The following AKAP6 variants were observed in gnomAD, a reference collection of about 807,000 sequenced individuals.
AKAP6 encodes A-kinase anchoring protein 6, also known as A-kinase anchor protein 6.
A neutral mutation model predicts 188.5 loss-of-function variants in AKAP6; 58 were observed. The ratio of observed to expected loss-of-function variants is 0.31; its 90% CI spans 0.25 to 0.38. AKAP6 has a LOEUF of 0.38. AKAP6 is among the 10% of genes least tolerant of loss of function. The pLI, the probability that AKAP6 is intolerant of heterozygous loss-of-function variation, is 1.00. For synonymous variants in AKAP6, 989 were observed against 998.6 expected (o/e 0.99, Z 0.18); for missense variants, 2,710 against 2,740.0 (o/e 0.99, Z 0.24).
Position 32,791,804 on chromosome 14 carries a change from G to A in AKAP6, c.3588+17911G>A, listed in dbSNP as rs138460949. Among the ~76,000 whole-genome samples, 650 of 152,266 alleles carry A rather than the reference G, an allele frequency of 4.3e-3. 20 individuals carry two copies. The highest frequency in any genetic ancestry group is 0.038 in the Admixed American group (588 of 15,292). On this transcript the variant is annotated intron_variant, in intron 12 of 13. Coordinates refer to ENST00000280979, the MANE Select transcript of AKAP6 (RefSeq NM_004274.5). ...TCTTGAGTTAATTTTTGTGTAAAAT[G>A]TAAGGAAGGGGTCCAGTTTCAGTTT... is the stretch of plus-strand genomic sequence containing the variant.
intron 11 of AKAP6, among the ~76,000 whole-genome samples, chr14:32,756,870 C>G (rs910749991): frequency 1.3e-4 from 20 of 152,040 alleles, no homozygotes; most frequent in Admixed American, 1.0e-3. Flanking sequence ...CGGGTGCCAT[C>G]CTGGTGTCTG....
rs1342799898 is a variant in AKAP6 at position 32,671,098 on chromosome 14, A to G, written c.2731-7213A>G. Among the ~76,000 whole-genome samples, 4 of 152,210 alleles carry G rather than the reference A, an allele frequency of 2.6e-5. No homozygotes were observed. In the East Asian group the frequency reaches 7.7e-4, roughly 29 times the overall value. On this transcript the variant is annotated intron_variant, in intron 7 of 13. Transcript: ENST00000280979. ...GTTCAGCTACATGTGATAAGTATGT[A>G]GGAAAGAGGATAGGGATTTCTAGGG...
intron 2 of AKAP6, among the ~76,000 whole-genome samples, chr14:32,476,011 G>T (rs1035999862): frequency 5.3e-5 from 8 of 151,952 alleles, no homozygotes; most frequent in Admixed American, 2.0e-4. Context: ...TCATAAAAAT[G>T]TTTTAAGTAC....
In AKAP6 at chr14:32,454,618, ACCTT is replaced by A. The variant is rs145451266; in HGVS notation, c.324+20816_324+20819del. Among the ~76,000 whole-genome samples the A allele has an allele frequency of 4.7e-3, 378 of 81,014 alleles. 2 individuals carry two copies. Among genetic ancestry groups the A allele is most frequent in the Non-Finnish European group, 6.2e-3 (300 of 48,298 alleles). The allele number at this position is 81,014 out of a possible 152,430, so 53.1% of individuals were successfully genotyped here. The stretch of plus-strand genomic sequence containing the variant: ...GAAGATAAATTACAGTGAAAACTTG[ACCTT>A]CCTTCCTTCCTTCCCTCCCTCCCTC... On this transcript the variant is annotated intron_variant, in intron 2 of 13. Transcript: ENST00000280979.
Position 32,426,642 on chromosome 14 carries a change from A to C in AKAP6, c.-34-6818A>C, listed in dbSNP as rs1890040550. Among the ~76,000 whole-genome samples the C allele has an allele frequency of 2.0e-5, 3 of 152,332 alleles. No individual in the cohort carries two copies. The South Asian group carries it at 6.2e-4, about 32-fold the overall frequency. On this transcript the variant is annotated intron_variant, in intron 1 of 13. Coordinates refer to ENST00000280979, the MANE Select transcript of AKAP6 (RefSeq NM_004274.5). The stretch of plus-strand genomic sequence containing the variant: ...TTTAGCAACTTGGGATGAGGGTGAG[A>C]AGTATGAATGCTCATTAGTGTTCAC...
intron 9 of AKAP6, among the ~76,000 whole-genome samples, chr14:32,720,859 A>C (rs959970327): frequency 6.6e-6 from 1 of 152,176 alleles, no homozygotes; most frequent in Non-Finnish European, 1.5e-5. Context: ...CCTGTCTCAA[A>C]AAAAACTTTA....
At chr14:32,560,785 T>C (rs1317113041) in intron 4 of AKAP6, among the ~76,000 whole-genome samples, 2 of 152,246 alleles carry the variant, frequency 1.3e-5, no homozygotes, top group African/African-American at 4.8e-5. Context: ...AATTATTCTT[T>C]ATCTTTAATC....
Position 32,546,418 on chromosome 14 carries a change from GACA to G in AKAP6, c.1769_1771del (p.Asn590del). The G allele has an allele frequency of 3.1e-6, 5 of 1,614,150 alleles. No homozygotes were observed. Among genetic ancestry groups the G allele is most frequent in the Non-Finnish European group, 4.2e-6 (5 of 1,180,040 alleles). ...GAGCAGTGAATCCTCTGTTGGCTCAGACAACATCATGTCTCCGGTGCCACTTCT... is the reference window on the plus strand; with the variant it reads ...GAGCAGTGAATCCTCTGTTGGCTCAGACATCATGTCTCCGGTGCCACTTCT... On this transcript the variant is annotated inframe_deletion, in exon 4 of 14. Transcript: ENST00000280979.
chr14:32,564,125 T>A (rs1425576639), intron 4 of AKAP6, among the ~76,000 whole-genome samples: 1 of 152,156 alleles, frequency 6.6e-6, no homozygotes, highest in East Asian at 1.9e-4. Flanking sequence ...TCTAATATAA[T>A]GTAAATGCTA....
intron 2 of AKAP6, among the ~76,000 whole-genome samples, chr14:32,481,080 T>C (rs1458088042): frequency 1.3e-5 from 2 of 152,312 alleles, no homozygotes; most frequent in Admixed American, 6.5e-5. Context: ...TTTTAAAACA[T>C]TTATTACTAT....
At chr14:32,403,201 A>G (rs1248798909) in intron 1 of AKAP6, 2 of 152,220 alleles carry the variant, frequency 1.3e-5, no homozygotes, top group Non-Finnish European at 2.9e-5. Context: ...CATAGCTGTC[A>G]ACAGAATCAC....
At chr14:32,728,347 A>G (rs1203543115) in intron 9 of AKAP6, among the ~76,000 whole-genome samples, 1 of 124,230 alleles carries the variant, frequency 8.0e-6, no homozygotes, top group Non-Finnish European at 1.7e-5. Context: ...TTCTCAGTGT[A>G]TTCTATCTAT....
intron 11 of AKAP6, among the ~76,000 whole-genome samples, chr14:32,739,053 T>C (rs1416305108): frequency 6.6e-6 from 1 of 152,100 alleles, no homozygotes; most frequent in Non-Finnish European, 1.5e-5. Context: ...AAGGAGACCA[T>C]GCTACAATTG....
At chr14:32,489,606 A>C (rs1193315418) in intron 2 of AKAP6, among the ~76,000 whole-genome samples, 1 of 152,198 alleles carries the variant, frequency 6.6e-6, no homozygotes, top group East Asian at 1.9e-4. Flanking sequence ...TACCTAGATT[A>C]AAAAACAAAA....
intron 7 of AKAP6, among the ~76,000 whole-genome samples, chr14:32,663,531 G>A (rs1033722566): frequency 1.3e-5 from 2 of 150,888 alleles, no homozygotes; most frequent in African/African-American, 5.0e-5. Flanking sequence ...AGATCACCAT[G>A]GGAAGTAACA....
intron 11 of AKAP6, among the ~76,000 whole-genome samples, chr14:32,764,566 C>T (rs1464331086): frequency 6.6e-6 from 1 of 152,164 alleles, no homozygotes; most frequent in Non-Finnish European, 1.5e-5. Context: ...TTTTGTGAAT[C>T]AGCTTTGGAT....
At chr14:32,605,404 T>C (rs1886090191) in intron 7 of AKAP6, among the ~76,000 whole-genome samples, 1 of 152,116 alleles carries the variant, frequency 6.6e-6, no homozygotes. Context: ...GGCTGGAACC[T>C]GGGACCTTGT....
At chr14:32,680,052 G>T (rs1056862955) in intron 8 of AKAP6, among the ~76,000 whole-genome samples, 2 of 152,136 alleles carry the variant, frequency 1.3e-5, no homozygotes, top group African/African-American at 4.8e-5. Flanking sequence ...TCTGACCCCA[G>T]ATTCCAGGGA....
intron 2 of AKAP6, among the ~76,000 whole-genome samples, chr14:32,444,905 G>A (rs897450223): frequency 6.6e-6 from 1 of 152,260 alleles, no homozygotes; most frequent in Non-Finnish European, 1.5e-5. Context: ...CAGGCATGAT[G>A]AGGAGAGAGA....
Sources: gnomAD v4.1 joint callset for allele counts (sites outside exome capture counted in the v4.1 genomes callset) on GRCh38, gnomAD v4.1.1 for gene constraint, MANE v1.5 for transcripts, NCBI Gene and HGNC (gene_info 2026-07-23, HGNC 2026-07-21) for gene names.